LPP: variants seen among roughly 807,000 people sequenced by gnomAD.
LPP encodes LIM domain containing preferred translocation partner in lipoma, also known as lipoma-preferred partner.
In LPP, 38 loss-of-function variants were observed where a neutral mutation model predicts 60.4. That is an observed-to-expected ratio of 0.63 (90% CI 0.49 to 0.83). The LOEUF (loss-of-function observed/expected upper bound fraction) is 0.83, where lower values mean the gene tolerates loss of function less well. LPP is among the 40% of genes least tolerant of loss of function. LPP has a pLI of 0.00. For missense variants in LPP, 902 were observed against 783.6 expected, an observed-to-expected ratio of 1.15 and a Z score of -1.80; for synonymous variants, 328 against 290.8, an observed-to-expected ratio of 1.13 and a Z score of -1.30.
At chr3:188,462,879 G>C (rs148008313) in intron 4 of LPP, among the ~76,000 whole-genome samples, 2,169 of 151,986 alleles carry the variant, frequency 0.014, 51 homozygotes, top group African/African-American at 0.046. Context: ...GGCCGAGGCT[G>C]GCAGATCACC....
At chr3:188,498,582 C>G (rs1466195557) in intron 5 of LPP, among the ~76,000 whole-genome samples, 1 of 152,100 alleles carries the variant, frequency 6.6e-6, no homozygotes, top group Non-Finnish European at 1.5e-5. Flanking sequence ...GGTTCTTTCC[C>G]CATTTTACCT....
In LPP at chr3:188,882,810, C is replaced by T. The variant is rs1223735139; in HGVS notation, c.*8331C>T. 5.5e-6 allele frequency: 1 copy of T among 182,448 alleles called. No individual in the cohort carries two copies. Among genetic ancestry groups the T allele is most frequent in the Non-Finnish European group, 1.2e-5 (1 of 85,850 alleles). The allele number at this position is 182,448 out of a possible 1,614,324, so 11.3% of individuals were successfully genotyped here. On this transcript the variant is annotated 3_prime_UTR_variant, in exon 12 of 12. Coordinates refer to ENST00000617246, the MANE Select transcript of LPP (RefSeq NM_001375462.1). ...CTGGAGTGCAGTGGCGCAATCTCGG[C>T]TCACTGCAAGCTCCGCTTCTCGGGT...
intron 3 of LPP, among the ~76,000 whole-genome samples, chr3:188,361,066 A>G (rs896486752): frequency 6.6e-6 from 1 of 152,188 alleles, no homozygotes; most frequent in African/African-American, 2.4e-5. Flanking sequence ...CTTGTTTTTA[A>G]TGAACTATGG....
intron 9 of LPP, among the ~76,000 whole-genome samples, chr3:188,817,975 G>A (rs1285712830): frequency 6.6e-6 from 1 of 152,176 alleles, no homozygotes; most frequent in African/African-American, 2.4e-5. Flanking sequence ...CATATTCTAA[G>A]GCGTATCAAA....
chr3:188,360,248 T>G (rs1311575795), intron 3 of LPP, among the ~76,000 whole-genome samples: 1 of 152,198 alleles, frequency 6.6e-6, no homozygotes, highest in African/African-American at 2.4e-5. Flanking sequence ...TTAGTAAACC[T>G]GAGAGAGTGT....
intron 3 of LPP, among the ~76,000 whole-genome samples, chr3:188,366,545 G>A (rs1402290317): frequency 6.6e-6 from 1 of 152,172 alleles, no homozygotes; most frequent in Non-Finnish European, 1.5e-5. Context: ...CCCAGGTGCT[G>A]CACTCTCGCC....
chr3:188,190,472 G>A (rs532856820), intron 1 of LPP, among the ~76,000 whole-genome samples: 32 of 152,294 alleles, frequency 2.1e-4, no homozygotes, highest in Admixed American at 5.2e-4. Flanking sequence ...CTGACTCCAT[G>A]TCGCCTCTTC....
intron 8 of LPP, among the ~76,000 whole-genome samples, chr3:188,723,243 G>A (rs1022759213): frequency 2.0e-5 from 3 of 151,464 alleles, no homozygotes; most frequent in African/African-American, 7.2e-5. Context: ...CAGCTTTACT[G>A]TCAGTGTCAG....
intron 3 of LPP, among the ~76,000 whole-genome samples, chr3:188,396,554 A>G (rs1780994640): frequency 6.6e-6 from 1 of 152,212 alleles, no homozygotes; most frequent in South Asian, 2.1e-4. Flanking sequence ...GAAATAGAAG[A>G]TGCTAGATAA....
At chr3:188,760,410 G>GTGTA (rs1731839234) in intron 9 of LPP, 128 bp downstream of exon 9, 15 of 397,910 alleles carry the variant, frequency 3.8e-5, no homozygotes, top group Non-Finnish European at 6.0e-5. Context: ...TGTGTGTGGG[G>GTGTA]TGTGTGTGTG....
chr3:188,401,359 G>A (rs915842588), intron 3 of LPP, among the ~76,000 whole-genome samples: 9 of 152,172 alleles, frequency 5.9e-5, no homozygotes, highest in Admixed American at 5.2e-4. Context: ...CTGTCCTACA[G>A]AAATGCCTTG....
At chr3:188,834,061 A>C (rs930284513) in intron 9 of LPP, among the ~76,000 whole-genome samples, 1 of 152,158 alleles carries the variant, frequency 6.6e-6, no homozygotes, top group African/African-American at 2.4e-5. Flanking sequence ...TTCCTTTTAA[A>C]AACTTAGATT....
At chr3:188,291,909 C>G (rs925991187) in intron 2 of LPP, among the ~76,000 whole-genome samples, 1 of 152,114 alleles carries the variant, frequency 6.6e-6, no homozygotes, top group Non-Finnish European at 1.5e-5. Context: ...TGCTCCACCA[C>G]CCTGATTTGA....
rs2151991729 is a variant in LPP at position 188,866,304 on chromosome 3, C to T, written c.1515C>T (p.Cys505=). ...CTCACTGTTTCACCTGCGTGATGTG[C>T]CACCGCAGCCTGGATGGGATCCCAT... ...YHPHCFTCVM[C]HRSLDGIPFT... is the part of the protein sequence containing the mutation. The change falls in exon 10 of 12, where the codon TGC becomes TGT. Residue 505 remains cysteine (C), a synonymous_variant. Coordinates refer to ENST00000617246, the MANE Select transcript of LPP (RefSeq NM_001375462.1). 1 of 1,589,322 alleles carries T rather than the reference C, an allele frequency of 6.3e-7. No homozygotes were observed. The highest frequency in any genetic ancestry group is 8.6e-7 in the Non-Finnish European group (1 of 1,166,998).
chr3:188,432,569 ATT>A (rs879920225), intron 4 of LPP, among the ~76,000 whole-genome samples: 2 of 146,048 alleles, frequency 1.4e-5, no homozygotes, highest in African/African-American at 2.5e-5. Context: ...GGCAAGAAGA[ATT>A]TTTTTTTTTT....
intron 9 of LPP, among the ~76,000 whole-genome samples, chr3:188,840,813 C>G (rs1759768754): frequency 6.6e-6 from 1 of 152,146 alleles, no homozygotes; most frequent in Non-Finnish European, 1.5e-5. Flanking sequence ...ATTACATATG[C>G]CAGTACTAGC....
At chr3:188,349,226 G>T (rs1560280844) in intron 3 of LPP, among the ~76,000 whole-genome samples, 1 of 152,124 alleles carries the variant, frequency 6.6e-6, no homozygotes. Context: ...TGAAAGCCAG[G>T]ATCCTGCAGC....
At chr3:188,803,763 T>G (rs1463924862) in intron 9 of LPP, among the ~76,000 whole-genome samples, 2 of 152,224 alleles carry the variant, frequency 1.3e-5, no homozygotes, top group Non-Finnish European at 2.9e-5. Flanking sequence ...TTTGTTCTGC[T>G]CTTTCAAAAT....
chr3:188,837,566 A>C (rs2151684851), intron 9 of LPP, among the ~76,000 whole-genome samples: 1 of 152,160 alleles, frequency 6.6e-6, no homozygotes, highest in East Asian at 1.9e-4. Context: ...TCAGCAACTG[A>C]GAAATTCAGT....
Sources: gnomAD v4.1 joint callset for allele counts (sites outside exome capture counted in the v4.1 genomes callset) on GRCh38, gnomAD v4.1.1 for gene constraint, MANE v1.5 for transcripts, NCBI Gene and HGNC (gene_info 2026-07-23, HGNC 2026-07-21) for gene names.